Variants in PSMD6 observed in about 807,000 individuals in gnomAD.
PSMD6 encodes 26S proteasome non-ATPase regulatory subunit 6.
Under a neutral mutation model 44.9 loss-of-function variants are expected in PSMD6, and 7 were observed. The ratio of observed to expected loss-of-function variants is 0.16; its 90% CI spans 0.09 to 0.29. The LOEUF (loss-of-function observed/expected upper bound fraction) is 0.29. Among genes scored for constraint, PSMD6 ranks in the 10% least tolerant of loss-of-function variants. The pLI is 1.00. For missense variants in PSMD6, 420 were observed against 482.6 expected (o/e 0.87, Z 1.21); for synonymous variants, 184 against 172.7 (o/e 1.07, Z -0.51).
At chr3:64,011,097 G>A (rs751358229) in intron 6 of PSMD6, 142 bp from the exon 7 acceptor site, 5 of 651,516 alleles carry the variant, frequency 7.7e-6, no homozygotes, top group African/African-American at 1.8e-5. Flanking sequence ...AGTAGTTGAC[G>A]TTGTCCCTCC....
At chr3:64,023,086 G>A (rs2076158600) in intron 1 of PSMD6, 189 bp downstream of exon 1, 1 of 1,426,532 alleles carries the variant, frequency 7.0e-7, no homozygotes, top group South Asian at 1.5e-5. Flanking sequence ...AGACCCCGCT[G>A]AGGCAAGTCG....
At chr3:64,017,670 T>C (rs889311783) in intron 5 of PSMD6, 1 of 152,266 alleles carries the variant, frequency 6.6e-6, no homozygotes, top group African/African-American at 2.4e-5. Context: ...AGGTAAATAC[T>C]ATGAATTCTC....
At chr3:64,013,207 A>G in intron 6 of PSMD6, 1 of 420,500 alleles carries the variant, frequency 2.4e-6, no homozygotes, top group Non-Finnish European at 4.2e-6. Flanking sequence ...TTAACAAATC[A>G]CTTAGCCTCA....
At chr3:64,016,386 T>C (rs1282485169) in intron 5 of PSMD6, 1 of 152,006 alleles carries the variant, frequency 6.6e-6, no homozygotes, top group South Asian at 2.1e-4. Flanking sequence ...GGATACTACT[T>C]CCTTTTCCAA....
upstream of PSMD6, chr3:64,023,792 TAAA>T: frequency 1.4e-6 from 2 of 1,474,668 alleles, no homozygotes; most frequent in South Asian, 2.4e-5. Context: ...ACAGCATTAA[TAAA>T]AACAATCACC....
chr3:64,021,643 T>A (rs1258166060), intron 2 of PSMD6, among the ~76,000 whole-genome samples: 1 of 152,060 alleles, frequency 6.6e-6, no homozygotes, highest in African/African-American at 2.4e-5. Flanking sequence ...ATCCAGTCTC[T>A]ACTAATAATA....
chr3:64,011,176 T>A lies in PSMD6; in HGVS notation c.996-221A>T, dbSNP rs568578759. ...TCCTAGAAGTTCATATTCAGATAGA[T>A]AGAAAGTAGATCAAACAATGAAACC... On this transcript the variant is annotated intron_variant, in intron 6 of 7. Transcript: ENST00000295901. 2.7e-5 allele frequency: 11 copies of A among 405,840 alleles called. No homozygotes were observed. The South Asian group carries it at 5.9e-4, about 22-fold the overall frequency. 25.1% of individuals were successfully genotyped at this position (405,840 alleles called of 1,614,324 possible). A position where few individuals can be genotyped will look rare whatever the true frequency, so the allele number is the denominator to read the frequency against.
chr3:64,021,447 T>C (rs1013121231), intron 2 of PSMD6, among the ~76,000 whole-genome samples: 2 of 152,242 alleles, frequency 1.3e-5, no homozygotes, highest in African/African-American at 2.4e-5. Context: ...TCTGCAAGTA[T>C]TAACTTTTTT....
chr3:64,022,176 G>T (rs2076143075), intron 2 of PSMD6, 142 bp downstream of exon 2: 1 of 898,906 alleles, frequency 1.1e-6, no homozygotes, highest in Non-Finnish European at 1.7e-6. Flanking sequence ...TCTTTACATT[G>T]ATTCACCAGT....
upstream of PSMD6, chr3:64,023,862 A>AG: frequency 6.9e-7 from 1 of 1,457,510 alleles, no homozygotes; most frequent in East Asian, 2.5e-5. Context: ...TCATGCTGCG[A>AG]GGTAGTACTA....
chr3:64,011,133 C>T (rs2075936792), intron 6 of PSMD6, 178 bp from the exon 7 acceptor site: 1 of 515,404 alleles, frequency 1.9e-6, no homozygotes, highest in Non-Finnish European at 3.4e-6. Context: ...AAGTCATCAT[C>T]TACTAGAATA....
intron 5 of PSMD6, 32 bp downstream of exon 5, chr3:64,018,567 C>A: frequency 6.9e-7 from 1 of 1,452,264 alleles, no homozygotes; most frequent in Non-Finnish European, 9.6e-7. Context: ...AAGATGAAGA[C>A]AGATAATCAA....
At chr3:64,022,701 G>A (rs1052512634) in intron 1 of PSMD6, 178 bp from the exon 2 acceptor site, 2 of 1,537,088 alleles carry the variant, frequency 1.3e-6, no homozygotes, top group Admixed American at 2.0e-5. Context: ...GTATGCTGGT[G>A]GGAGGTTTGC....
chr3:64,013,811 A>G, intron 5 of PSMD6: 1 of 409,210 alleles, frequency 2.4e-6, no homozygotes, highest in East Asian at 3.7e-5. Context: ...GTCTTCAAGT[A>G]ACAGGTGGCT....
intron 5 of PSMD6, among the ~76,000 whole-genome samples, chr3:64,017,923 T>C (rs1271944700): frequency 1.3e-5 from 2 of 152,172 alleles, no homozygotes; most frequent in Non-Finnish European, 2.9e-5. Context: ...ATCATCTTAA[T>C]AGTTTGTGGT....
chr3:64,023,264 G>A lies in PSMD6; in HGVS notation c.145+11C>T. 4 of 1,553,962 alleles carry A rather than the reference G, an allele frequency of 2.6e-6. No homozygotes were observed. The highest frequency in any genetic ancestry group is 3.5e-6 in the Non-Finnish European group (4 of 1,148,560). Reference sequence around the variant, plus strand: ...CCTAGGCCGCTGACTCGGCGCTCGTGCGGGCCTCACTGTTATCGCGGACGG... The same window carrying A: ...CCTAGGCCGCTGACTCGGCGCTCGTACGGGCCTCACTGTTATCGCGGACGG... On this transcript the variant is annotated intron_variant, in intron 1 of 7. Coordinates refer to ENST00000295901, the MANE Select transcript of PSMD6 (RefSeq NM_014814.3).
In PSMD6 at chr3:64,023,268, G is replaced by C; in HGVS notation, c.145+7C>G. The C allele has an allele frequency of 1.3e-6, 2 of 1,558,292 alleles. No individual in the cohort carries two copies. Among genetic ancestry groups the C allele is most frequent in the Non-Finnish European group, 1.7e-6 (2 of 1,151,350 alleles). ...GGCCGCTGACTCGGCGCTCGTGCGG[G>C]CCTCACTGTTATCGCGGACGGCCGC... is the stretch of plus-strand genomic sequence containing the variant. On this transcript the variant is annotated splice_region_variant and intron_variant, in intron 1 of 7. Transcript: ENST00000295901.
At position 64,023,294 on chromosome 3, in the gene PSMD6, C is replaced by A. The variant is rs749430801; in HGVS notation, c.126G>T (p.Met42Ile). Reference sequence around the variant, plus strand: ...CCTCACTGTTATCGCGGACGGCCGCCATCAGCTCGTCGCGCACGGCAGCGT... The same window carrying A: ...CCTCACTGTTATCGCGGACGGCCGCAATCAGCTCGTCGCGCACGGCAGCGT... ...RGDAAVRDEL[M>I]AAVRDNNMAP... Residue 42 changes from methionine (M) to isoleucine (I), a missense_variant, in exon 1 of 8, where the codon ATG becomes ATT. Transcript: ENST00000295901. 6.3e-7 allele frequency: 1 copy of A among 1,578,232 alleles called. No homozygotes were observed. Among genetic ancestry groups the A allele is most frequent in the South Asian group, 1.1e-5 (1 of 86,988 alleles).
At chr3:64,018,757 T>C in intron 4 of PSMD6, 50 bp from the exon 5 acceptor site, 1 of 1,525,328 alleles carries the variant, frequency 6.6e-7, no homozygotes, top group East Asian at 2.3e-5. Context: ...ATTTTAATGA[T>C]TTGTGTATTT....
Sources: allele counts gnomAD v4.1 joint callset (sites outside exome capture counted in the v4.1 genomes callset), GRCh38; gene constraint gnomAD v4.1.1; transcripts MANE v1.5; gene names NCBI Gene and HGNC (gene_info 2026-07-23, HGNC 2026-07-21).